RNF38: variants seen among roughly 807,000 people sequenced by gnomAD.
RNF38 encodes ring finger protein 38.
In RNF38, 15 loss-of-function variants were observed where a neutral mutation model predicts 67.2. The ratio of observed to expected loss-of-function variants is 0.22; its 90% CI spans 0.15 to 0.34. The LOEUF is 0.34. Ranked by LOEUF, RNF38 falls within the 10% of genes least tolerant of loss-of-function variation. RNF38 has a pLI of 1.00. For missense variants in RNF38, 524 were observed against 639.9 expected, an observed-to-expected ratio of 0.82 and a Z score of 1.95; for synonymous variants, 220 against 218.8, an observed-to-expected ratio of 1.01 and a Z score of -0.05.
intron 1 of RNF38, among the ~76,000 whole-genome samples, chr9:36,484,339 G>A (rs906459775): frequency 3.3e-5 from 5 of 152,272 alleles, no homozygotes; most frequent in African/African-American, 1.2e-4. Context: ...AGAAAGGGGC[G>A]AAAAAGGATC....
At chr9:36,371,869 C>T (rs1415087348) in intron 3 of RNF38, among the ~76,000 whole-genome samples, 1 of 151,940 alleles carries the variant, frequency 6.6e-6, no homozygotes, top group Non-Finnish European at 1.5e-5. Flanking sequence ...TATTTTGCCC[C>T]GTTACACTAC....
intron 1 of RNF38, 25 bp from the exon 2 acceptor site, chr9:36,390,641 T>C (rs1837009974): frequency 6.2e-7 from 1 of 1,612,736 alleles, no homozygotes; most frequent in Non-Finnish European, 8.5e-7. Context: ...AAGAAAAGGA[T>C]AGTTCATGGC....
chr9:36,408,740 G>C (rs548532276), intron 2 of RNF38, among the ~76,000 whole-genome samples: 70 of 152,174 alleles, frequency 4.6e-4, no homozygotes, highest in African/African-American at 1.6e-3. Flanking sequence ...TACCTGGAGA[G>C]GAAAGCCAGA....
At chr9:36,340,048 C>G (rs1044691254) in intron 11 of RNF38, among the ~76,000 whole-genome samples, 1 of 152,032 alleles carries the variant, frequency 6.6e-6, no homozygotes, top group Admixed American at 6.5e-5. Context: ...GGCACGATCT[C>G]AACTCACTGC....
intron 1 of RNF38, among the ~76,000 whole-genome samples, chr9:36,392,892 A>C (rs12378490): frequency 0.19 from 28,453 of 152,200 alleles, 3,232 homozygotes; most frequent in Non-Finnish European, 0.26. Flanking sequence ...AGGCCATAAA[A>C]CAGGGAAAAA....
At chr9:36,414,162 C>T (rs2134207921) in intron 2 of RNF38, among the ~76,000 whole-genome samples, 1 of 152,298 alleles carries the variant, frequency 6.6e-6, no homozygotes, top group African/African-American at 2.4e-5. Flanking sequence ...CTCTTGAAGA[C>T]AGCAGATACT....
intron 1 of RNF38, among the ~76,000 whole-genome samples, chr9:36,452,695 G>T (rs908369176): frequency 3.3e-5 from 5 of 152,020 alleles, no homozygotes; most frequent in African/African-American, 1.2e-4. Context: ...ACCATGCCCA[G>T]CTAATTTTTG....
chr9:36,381,179 A>G (rs551067418), intron 2 of RNF38, among the ~76,000 whole-genome samples: 2 of 152,332 alleles, frequency 1.3e-5, no homozygotes, highest in South Asian at 2.1e-4. Context: ...ATAAAAACAT[A>G]AAAACTCATC....
intron 1 of RNF38, among the ~76,000 whole-genome samples, chr9:36,446,342 T>A (rs1839299493): frequency 6.6e-6 from 1 of 152,198 alleles, no homozygotes; most frequent in Non-Finnish European, 1.5e-5. Flanking sequence ...CAACAATCTG[T>A]AAGAGTTGAG....
chr9:36,378,408 C>T (rs1835940719), intron 2 of RNF38, among the ~76,000 whole-genome samples: 1 of 152,088 alleles, frequency 6.6e-6, no homozygotes, highest in Admixed American at 6.5e-5. Flanking sequence ...GATCTCCTGA[C>T]CTCATGATCT....
chr9:36,412,693 A>G (rs1240333693), intron 2 of RNF38, among the ~76,000 whole-genome samples: 1 of 152,224 alleles, frequency 6.6e-6, no homozygotes, highest in African/African-American at 2.4e-5. Flanking sequence ...TAATCCCAGC[A>G]CTTTGGGATG....
rs149872142 is a variant in RNF38 at position 36,372,397 on chromosome 9, T to C, written c.357-2465A>G. 23 of 583,186 alleles carry C rather than the reference T, an allele frequency of 3.9e-5. 1 individual carries two copies. The highest frequency in any genetic ancestry group is 1.2e-4 in the Admixed American group (4 of 32,036). 36.1% of individuals were successfully genotyped at this position (583,186 alleles called of 1,614,324 possible). A position where few individuals can be genotyped will look rare whatever the true frequency, so the allele number is the denominator to read the frequency against. Reference sequence around the variant, plus strand: ...GAAGTTTATTGTTAATTGAGTTTAATGGCCCTGTTTATTCACAGTTCTTTG... The same window carrying C: ...GAAGTTTATTGTTAATTGAGTTTAACGGCCCTGTTTATTCACAGTTCTTTG... On this transcript the variant is annotated intron_variant, in intron 3 of 11. Coordinates refer to ENST00000259605, the MANE Select transcript of RNF38 (RefSeq NM_022781.5).
At chr9:36,451,321 C>T (rs924021680) in intron 1 of RNF38, among the ~76,000 whole-genome samples, 16 of 151,596 alleles carry the variant, frequency 1.1e-4, no homozygotes, top group Admixed American at 5.9e-4. Context: ...AAAGATTAGC[C>T]AGGTGTGGTG....
Position 36,409,845 on chromosome 9 carries a change from GA to G in RNF38, n.312+14767del, listed in dbSNP as rs145413476. 3.8e-3 allele frequency among the ~76,000 whole-genome samples: 574 copies of G among 152,298 alleles called. 3 individuals carry two copies. Among genetic ancestry groups the G allele is most frequent in the African/African-American group, 0.013 (550 of 41,566 alleles). On this transcript the variant is annotated intron_variant and non_coding_transcript_variant, in intron 2 of 3. Coordinates refer to the RNF38 transcript ENST00000488058. ...AGGAAAAGAAGGAAATATGTGGGCAGATTTCTAATTTGTACTACAAAACAAA... is the reference window on the plus strand; with the variant it reads ...AGGAAAAGAAGGAAATATGTGGGCAGTTTCTAATTTGTACTACAAAACAAA...
intron 1 of RNF38, among the ~76,000 whole-genome samples, chr9:36,477,141 G>A (rs1277243382): frequency 2.0e-5 from 3 of 151,610 alleles, no homozygotes; most frequent in Non-Finnish European, 2.9e-5. Context: ...GGTCAAGATG[G>A]TGAAACCCCA....
chr9:36,412,678 G>A (rs963426422), intron 2 of RNF38, among the ~76,000 whole-genome samples: 4 of 152,198 alleles, frequency 2.6e-5, no homozygotes, highest in Admixed American at 6.5e-5. Context: ...AGTGGCTCAC[G>A]CCTGTAATCC....
intron 2 of RNF38, among the ~76,000 whole-genome samples, chr9:36,414,898 T>C (rs1362842830): frequency 2.0e-5 from 3 of 152,218 alleles, no homozygotes; most frequent in Non-Finnish European, 4.4e-5. Flanking sequence ...CCCTTCTAGC[T>C]TGCAGGGTTT....
chr9:36,347,068 C>T (rs1397498316), intron 9 of RNF38, among the ~76,000 whole-genome samples: 1 of 121,514 alleles, frequency 8.2e-6, no homozygotes, highest in Non-Finnish European at 1.6e-5. Context: ...TGCAGTGAGC[C>T]GAGACTGCAC....
At chr9:36,412,477 C>T (rs1413482660) in intron 2 of RNF38, among the ~76,000 whole-genome samples, 1 of 152,208 alleles carries the variant, frequency 6.6e-6, no homozygotes, top group African/African-American at 2.4e-5. Context: ...GGATATTTGT[C>T]CCCTACAAAT....
Sources: allele counts gnomAD v4.1 joint callset (sites outside exome capture counted in the v4.1 genomes callset), GRCh38; gene constraint gnomAD v4.1.1; transcripts MANE v1.5; gene names NCBI Gene and HGNC (gene_info 2026-07-23, HGNC 2026-07-21).